Variants in CELF2 observed in about 807,000 individuals in gnomAD.
CELF2 encodes the protein CUG triplet repeat RNA-binding protein 2.
A neutral mutation model predicts 62.6 loss-of-function variants in CELF2; 8 were observed. The ratio of observed to expected loss-of-function variants is 0.13; its 90% CI spans 0.07 to 0.23. The LOEUF (loss-of-function observed/expected upper bound fraction) is 0.23, where lower values mean the gene tolerates loss of function less well. Among genes scored for constraint, CELF2 ranks in the 10% least tolerant of loss-of-function variants. The pLI is 1.00. For synonymous variants in CELF2, 258 were observed against 250.0 expected (o/e 1.03, Z -0.30); for missense variants, 333 against 671.0 (o/e 0.50, Z 5.56).
chr10:10,729,199 A>T, the CELF2 span, among the ~76,000 whole-genome samples: 2 of 152,256 alleles, frequency 1.3e-5, no homozygotes, highest in African/African-American at 2.4e-5. Context: ...GGAGAGGAAG[A>T]TTCGGTCTTT....
the CELF2 span, among the ~76,000 whole-genome samples, chr10:10,727,321 C>T: frequency 1.3e-5 from 2 of 152,216 alleles, 1 homozygote; most frequent in Non-Finnish European, 2.9e-5. Context: ...CTTTATGAAG[C>T]CACCTGTCCT....
the CELF2 span, among the ~76,000 whole-genome samples, chr10:10,723,100 T>C: frequency 6.6e-6 from 1 of 152,228 alleles, no homozygotes; most frequent in East Asian, 1.9e-4. Context: ...ATGGTATCTA[T>C]GAGGAACAAG....
chr10:11,269,296 A>G lies in CELF2; in HGVS notation c.619-1370A>G, dbSNP rs889691655. On this transcript the variant is annotated intron_variant, in intron 6 of 12. Transcript: ENST00000633077. This position sits in a 1 kb window ranked among gnomAD's most constrained non-coding sequence, Gnocchi z 4.4. ...ACTCTGTCTACCAGAGCTGAAGACC[A>G]GTAGGCTGGAAGTTTAACACTGAAA... 5.9e-5 allele frequency among the ~76,000 whole-genome samples: 9 copies of G among 152,262 alleles called. No homozygotes were observed. The highest frequency in any genetic ancestry group is 1.2e-4 in the Non-Finnish European group (8 of 68,044).
intron 2 of CELF2, among the ~76,000 whole-genome samples, chr10:11,168,059 C>G (rs761207325): frequency 1.3e-5 from 2 of 152,154 alleles, no homozygotes; most frequent in Non-Finnish European, 2.9e-5. Flanking sequence ...GGGCAGTCTC[C>G]TTTACTTAAG....
intron 1 of CELF2, among the ~76,000 whole-genome samples, chr10:11,024,622 GTAA>G (rs58540409): frequency 6.6e-6 from 1 of 151,540 alleles, no homozygotes; most frequent in African/African-American, 2.4e-5. Context: ...AATAATAATA[GTAA>G]TAATAATAAT....
chr10:10,915,000 C>T (rs2064187613), intron 1 of CELF2, among the ~76,000 whole-genome samples: 1 of 151,930 alleles, frequency 6.6e-6, no homozygotes, highest in African/African-American at 2.4e-5. Context: ...GGTGTGGTGG[C>T]ATGTGCCTGT....
At chr10:10,629,569 T>G in the CELF2 span, among the ~76,000 whole-genome samples, 1 of 152,192 alleles carries the variant, frequency 6.6e-6, no homozygotes, top group Non-Finnish European at 1.5e-5. Context: ...TATCATGCTT[T>G]CTTCAACATA....
At chr10:10,624,419 A>C in the CELF2 span, among the ~76,000 whole-genome samples, 1 of 151,806 alleles carries the variant, frequency 6.6e-6, no homozygotes, top group Non-Finnish European at 1.5e-5. Flanking sequence ...AACAACAAAC[A>C]TTGGTCTGCA....
chr10:11,065,983 T>C (rs1002285889), intron 1 of CELF2, among the ~76,000 whole-genome samples: 6 of 152,138 alleles, frequency 3.9e-5, no homozygotes, highest in Admixed American at 2.6e-4. Context: ...AAAGCAGTTA[T>C]ACTGGAAGTG....
At chr10:10,878,628 T>A (rs755779697) in intron 1 of CELF2, among the ~76,000 whole-genome samples, 7 of 152,190 alleles carry the variant, frequency 4.6e-5, no homozygotes, top group East Asian at 3.9e-4. Context: ...CCTCTCAAGT[T>A]GGTCATTTGT....
chr10:10,560,211 G>A, the CELF2 span, among the ~76,000 whole-genome samples: 1 of 152,112 alleles, frequency 6.6e-6, no homozygotes, highest in Non-Finnish European at 1.5e-5. Context: ...TTCTTTCTAA[G>A]GTGAGTACTC....
chr10:11,058,380 T>C (rs2065829509), intron 1 of CELF2, among the ~76,000 whole-genome samples: 1 of 152,172 alleles, frequency 6.6e-6, no homozygotes. Context: ...TATCTTAACT[T>C]ACTGTGTTAA....
chr10:10,860,255 C>T (rs771855395), intron 1 of CELF2, among the ~76,000 whole-genome samples: 1 of 152,162 alleles, frequency 6.6e-6, no homozygotes, highest in Non-Finnish European at 1.5e-5. Flanking sequence ...CACAGTGCAT[C>T]TGAAAGAACA....
At chr10:11,146,476 A>G (rs2062301690) in intron 1 of CELF2, among the ~76,000 whole-genome samples, 1 of 152,224 alleles carries the variant, frequency 6.6e-6, no homozygotes, top group South Asian at 2.1e-4. Context: ...TTATCATCTA[A>G]ACAAGCAATT....
chr10:10,879,371 C>T (rs1464767232), intron 1 of CELF2, among the ~76,000 whole-genome samples: 1 of 152,132 alleles, frequency 6.6e-6, no homozygotes, highest in African/African-American at 2.4e-5. Flanking sequence ...CTGGTTAAAT[C>T]CACACTAAAG....
At chr10:10,716,604 G>C in the CELF2 span, among the ~76,000 whole-genome samples, 1 of 152,140 alleles carries the variant, frequency 6.6e-6, no homozygotes, top group East Asian at 1.9e-4. Flanking sequence ...TGTTAGTTTG[G>C]CTTTTTGGAA....
Position 10,931,749 on chromosome 10 carries a change from C to T in CELF2, c.89+11750C>T, listed in dbSNP as rs778119076. ...CTTAAAATGAATCTCTTGATAATAG[C>T]AATGCATTAGTCTTTTCTCACGCTG... On this transcript the variant is annotated intron_variant, in intron 2 of 13. Transcript: ENST00000636488. This position sits in a 1 kb window ranked among gnomAD's most constrained non-coding sequence, Gnocchi z 6.1. 6.6e-6 allele frequency among the ~76,000 whole-genome samples: 1 copy of T among 152,158 alleles called. No individual in the cohort carries two copies. The highest frequency in any genetic ancestry group is 2.4e-5 in the African/African-American group (1 of 41,432).
At chr10:10,686,964 G>A in the CELF2 span, among the ~76,000 whole-genome samples, 3 of 152,140 alleles carry the variant, frequency 2.0e-5, no homozygotes, top group Admixed American at 6.6e-5. Flanking sequence ...TTACATAGTG[G>A]TTTTCCTACC....
chr10:11,193,550 G>T (rs778425477), intron 2 of CELF2, among the ~76,000 whole-genome samples: 3 of 152,152 alleles, frequency 2.0e-5, no homozygotes, highest in East Asian at 1.9e-4. Context: ...TCCCCACTCC[G>T]TCTGGGGCTG....
Sources: allele counts gnomAD v4.1 joint callset (sites outside exome capture counted in the v4.1 genomes callset), GRCh38; gene constraint gnomAD v4.1.1; non-coding constraint Gnocchi (gnomAD v3.1); transcripts MANE v1.5; gene names NCBI Gene and HGNC (gene_info 2026-07-23, HGNC 2026-07-21).